The following GNAQ variants were observed in gnomAD, a reference collection of about 807,000 sequenced individuals.
The protein encoded by GNAQ is G protein subunit alpha q.
GNAQ carries 8 observed loss-of-function variants against 43.9 expected under a neutral mutation model. The ratio of observed to expected loss-of-function variants is 0.18; its 90% CI spans 0.11 to 0.33. The LOEUF (loss-of-function observed/expected upper bound fraction) is 0.33, where lower values mean the gene tolerates loss of function less well. GNAQ is among the 10% of genes least tolerant of loss of function. The probability of loss-of-function intolerance (pLI) is 1.00; values close to 1 mark genes in which losing one functional copy is unlikely to be tolerated. For synonymous variants in GNAQ, 155 were observed against 170.7 expected (o/e 0.91, Z 0.71); for missense variants, 158 against 450.8 (o/e 0.35, Z 5.88).
At chr9:77,857,027 G>A (rs1374494700) in intron 2 of GNAQ, among the ~76,000 whole-genome samples, 1 of 152,150 alleles carries the variant, frequency 6.6e-6, no homozygotes, top group African/African-American at 2.4e-5. Context: ...CTTCCTCAAG[G>A]AAAACAGTGA....
chr9:77,822,312 A>G (rs1249195253), intron 2 of GNAQ, among the ~76,000 whole-genome samples: 1 of 152,080 alleles, frequency 6.6e-6, no homozygotes. Flanking sequence ...CAACAAAACA[A>G]CTCATTGACT....
chr9:77,947,091 T>G (rs1285991089), intron 1 of GNAQ, among the ~76,000 whole-genome samples: 1 of 152,238 alleles, frequency 6.6e-6, no homozygotes, highest in Non-Finnish European at 1.5e-5. Flanking sequence ...AATATCCTTC[T>G]CTGCTGGGCA....
At chr9:77,986,089 G>GT (rs1823432310) in intron 1 of GNAQ, among the ~76,000 whole-genome samples, 4 of 152,080 alleles carry the variant, frequency 2.6e-5, no homozygotes, top group Admixed American at 2.0e-4. Flanking sequence ...CATTGCCATA[G>GT]TTTAAAGTCC....
chr9:77,935,675 G>C (rs1002030076), intron 1 of GNAQ, among the ~76,000 whole-genome samples: 4 of 152,162 alleles, frequency 2.6e-5, no homozygotes, highest in African/African-American at 9.7e-5. Flanking sequence ...TTGATGTCAA[G>C]ACGATTTCAC....
At chr9:77,915,345 G>T (rs1828881883) in intron 2 of GNAQ, among the ~76,000 whole-genome samples, 2 of 150,646 alleles carry the variant, frequency 1.3e-5, no homozygotes, top group Non-Finnish European at 1.5e-5. Flanking sequence ...CTTTATTTCT[G>T]TACCTCTTTT....
At chr9:77,826,392 A>G (rs1827197679) in intron 2 of GNAQ, among the ~76,000 whole-genome samples, 1 of 152,124 alleles carries the variant, frequency 6.6e-6, no homozygotes, top group African/African-American at 2.4e-5. Flanking sequence ...TCTGACTCCT[A>G]CCAGTGGGCA....
At chr9:77,907,590 G>A (rs1828731035) in intron 2 of GNAQ, among the ~76,000 whole-genome samples, 1 of 152,214 alleles carries the variant, frequency 6.6e-6, no homozygotes, top group Non-Finnish European at 1.5e-5. Context: ...AATTATTTAA[G>A]TCGATGTGAA....
chr9:77,979,326 A>G (rs948351880), intron 1 of GNAQ, among the ~76,000 whole-genome samples: 1 of 150,980 alleles, frequency 6.6e-6, no homozygotes, highest in Non-Finnish European at 1.5e-5. Context: ...ATTGCACTCC[A>G]GCCTGGGCAA....
intron 2 of GNAQ, among the ~76,000 whole-genome samples, chr9:77,851,502 G>A (rs76575811): frequency 0.015 from 2,299 of 152,270 alleles, 52 homozygotes; most frequent in African/African-American, 0.052. Context: ...TTCACAGAGG[G>A]CACTGAAAAG....
chr9:77,912,057 C>G (rs1390711069), intron 2 of GNAQ, among the ~76,000 whole-genome samples: 1 of 152,190 alleles, frequency 6.6e-6, no homozygotes, highest in Non-Finnish European at 1.5e-5. Context: ...AAAAAATGCT[C>G]TTCTTTAAAA....
At chr9:77,872,397 T>C (rs1828051936) in intron 2 of GNAQ, among the ~76,000 whole-genome samples, 1 of 152,184 alleles carries the variant, frequency 6.6e-6, no homozygotes, top group African/African-American at 2.4e-5. Context: ...GGCTTTCCCT[T>C]CCCTGGGGCA....
intron 3 of GNAQ, among the ~76,000 whole-genome samples, chr9:77,813,386 G>A (rs1826958769): frequency 6.6e-6 from 1 of 152,172 alleles, no homozygotes; most frequent in South Asian, 2.1e-4. Flanking sequence ...GGCAGACTAA[G>A]CCTGCACTGA....
intron 1 of GNAQ, among the ~76,000 whole-genome samples, chr9:77,965,648 T>C (rs904856226): frequency 6.6e-6 from 1 of 152,078 alleles, no homozygotes; most frequent in Non-Finnish European, 1.5e-5. Flanking sequence ...ATTAGATACT[T>C]CACACCCATT....
chr9:77,996,537 G>T (rs1436211981), intron 1 of GNAQ, among the ~76,000 whole-genome samples: 2 of 151,984 alleles, frequency 1.3e-5, no homozygotes, highest in Non-Finnish European at 2.9e-5. Flanking sequence ...AGTTAGCCAG[G>T]CATGGTGGCA....
intron 1 of GNAQ, among the ~76,000 whole-genome samples, chr9:77,976,303 G>A (rs1823300974): frequency 6.6e-6 from 1 of 152,212 alleles, no homozygotes; most frequent in Non-Finnish European, 1.5e-5. Context: ...CAGGTGTTAA[G>A]AGTCCTAACC....
chr9:77,993,995 A>G (rs1204872168), intron 1 of GNAQ, among the ~76,000 whole-genome samples: 1 of 152,012 alleles, frequency 6.6e-6, no homozygotes, highest in Non-Finnish European at 1.5e-5. Flanking sequence ...ACCCAAATAT[A>G]TTGAGGGGCT....
At chr9:77,778,411 C>T (rs939451483) in intron 5 of GNAQ, among the ~76,000 whole-genome samples, 11 of 151,192 alleles carry the variant, frequency 7.3e-5, no homozygotes, top group South Asian at 2.1e-4. Flanking sequence ...TCAAGGGCAA[C>T]GACTAAAATA....
At chr9:77,726,274 C>G (rs571684022) in intron 6 of GNAQ, among the ~76,000 whole-genome samples, 1 of 152,154 alleles carries the variant, frequency 6.6e-6, no homozygotes, top group Non-Finnish European at 1.5e-5. Context: ...TTTCAAAGAA[C>G]AGCAAAGCAC....
intron 1 of GNAQ, among the ~76,000 whole-genome samples, chr9:77,960,880 T>G (rs1316764475): frequency 6.6e-6 from 1 of 152,146 alleles, no homozygotes; most frequent in Non-Finnish European, 1.5e-5. Flanking sequence ...AATGAAATAC[T>G]AACGAGCACA....
Sources: allele counts gnomAD v4.1 joint callset (sites outside exome capture counted in the v4.1 genomes callset), GRCh38; gene constraint gnomAD v4.1.1; transcripts MANE v1.5; gene names NCBI Gene and HGNC (gene_info 2026-07-23, HGNC 2026-07-21).